The following OR7A17 variants were observed in gnomAD, a reference collection of about 807,000 sequenced individuals.
The protein encoded by OR7A17 is olfactory receptor family 7 subfamily A member 17, also known as olfactory receptor 7A17.
For synonymous variants in OR7A17, 159 were observed against 142.1 expected (o/e 1.12, Z -0.85); for missense variants, 366 against 365.5 (o/e 1.00, Z -0.01).
At chr19:14,883,958 T>C (rs1178041481) in intron 1 of OR7A17, among the ~76,000 whole-genome samples, 1 of 152,208 alleles carries the variant, frequency 6.6e-6, no homozygotes, top group Non-Finnish European at 1.5e-5. Context: ...TAAGTCCTAG[T>C]ATATATGGGT....
chr19:14,883,696 G>C (rs1044866581), intron 1 of OR7A17, among the ~76,000 whole-genome samples: 1 of 152,092 alleles, frequency 6.6e-6, no homozygotes, highest in Non-Finnish European at 1.5e-5. Flanking sequence ...GCAATGAGAC[G>C]TGATAAAATA....
At position 14,880,648 on chromosome 19, in the gene OR7A17, C is replaced by G; in HGVS notation, c.708G>C (p.Lys236Asn). The G allele has an allele frequency of 6.2e-7, 1 of 1,614,184 alleles. No homozygotes were observed. Among genetic ancestry groups the G allele is most frequent in the Non-Finnish European group, 8.5e-7 (1 of 1,180,040 alleles). The change falls in exon 3 of 3, where the codon AAG becomes AAC. Residue 236 changes from lysine (K) to asparagine (N), a missense_variant. Coordinates refer to ENST00000641113, the MANE Select transcript of OR7A17 (RefSeq NM_030901.2). ...GGTGTGATGCACAGGTGGAAAATGC[C>G]TTGTACTTCCCCTGAGCTGATGAGA... ...RAISSAQGKY[K>N]AFSTCASHLS...
In OR7A17 at chr19:14,886,126, A is replaced by C. The variant is rs1396677148; in HGVS notation, c.-480T>G. On this transcript the variant is annotated 5_prime_UTR_variant, in exon 1 of 3. An upstream start codon of the reference 5' UTR is lost. Coordinates refer to ENST00000641113, the MANE Select transcript of OR7A17 (RefSeq NM_030901.2). ...CATGTCATTTCCAGCCCAAGGTTGC[A>C]TATGCTGAGGGACTGCAGCAGAGGA... 6.6e-6 allele frequency: 1 copy of C among 152,268 alleles called. No homozygotes were observed. Among genetic ancestry groups the C allele is most frequent in the African/African-American group, 2.4e-5 (1 of 41,462 alleles). The allele number at this position is 152,268 out of a possible 1,614,324, so 9.4% of individuals were successfully genotyped here.
Position 14,881,107 on chromosome 19 carries a change from A to T in OR7A17, c.249T>A (p.Ile83=), listed in dbSNP as rs1281536075. ...FISTTIPKML[I]NIQTQSRVIT... The stretch of plus-strand genomic sequence containing the variant: ...TGACTCTGCTCTGTGTCTGGATGTT[A>T]ATGAGCATCTTTGGGATTGTAGTGG... The change falls in exon 3 of 3, where the codon ATT becomes ATA. Residue 83 remains isoleucine (I), a synonymous_variant. Coordinates refer to ENST00000641113, the MANE Select transcript of OR7A17 (RefSeq NM_030901.2). 4 of 1,614,174 alleles carry T rather than the reference A, an allele frequency of 2.5e-6. No homozygotes were observed. In the African/African-American group the frequency reaches 5.3e-5, roughly 22 times the overall value.
In OR7A17 at chr19:14,880,294, C is replaced by A; in HGVS notation, c.*132G>T. 2 of 641,044 alleles carry A rather than the reference C, an allele frequency of 3.1e-6. No individual in the cohort carries two copies. Among genetic ancestry groups the A allele is most frequent in the East Asian group, 3.1e-5 (1 of 31,848 alleles). The allele number at this position is 641,044 out of a possible 1,614,324, so 39.7% of individuals were successfully genotyped here. On this transcript the variant is annotated 3_prime_UTR_variant, in exon 3 of 3. Coordinates refer to ENST00000641113, the MANE Select transcript of OR7A17 (RefSeq NM_030901.2). ...CATTAAATTCTATGTCAGTTGAGAT[C>A]AAAGAAATTGAAACTCTGAGAAAAA...
chr19:14,885,524 T>C (rs1290177814), intron 1 of OR7A17, among the ~76,000 whole-genome samples: 3 of 152,144 alleles, frequency 2.0e-5, no homozygotes, highest in Non-Finnish European at 2.9e-5. Flanking sequence ...CCATTCACAA[T>C]TGCTACAAAG....
At chr19:14,881,934 G>A (rs1309274097) in intron 1 of OR7A17, 63 bp from the exon 2 acceptor site, 5 of 152,028 alleles carry the variant, frequency 3.3e-5, no homozygotes, top group African/African-American at 1.2e-4. Flanking sequence ...TCCCTTGACT[G>A]ACATCACCTC....
In OR7A17 at chr19:14,881,392, A is replaced by T; in HGVS notation, c.-37T>A. On this transcript the variant is annotated 5_prime_UTR_variant, in exon 3 of 3. Coordinates refer to ENST00000641113, the MANE Select transcript of OR7A17 (RefSeq NM_030901.2). ...TATTTATTTATTTATTTATTTATTT[A>T]TTTATTTATTTATTAACATAGACAG... The T allele has an allele frequency of 8.6e-7, 1 of 1,161,732 alleles. No individual in the cohort carries two copies. 72.0% of individuals were successfully genotyped at this position (1,161,732 alleles called of 1,614,324 possible). A position where few individuals can be genotyped will look rare whatever the true frequency, so the allele number is the denominator to read the frequency against.
intron 1 of OR7A17, among the ~76,000 whole-genome samples, chr19:14,885,029 A>G (rs190869096): frequency 4.0e-4 from 61 of 152,340 alleles, no homozygotes; most frequent in African/African-American, 1.5e-3. Flanking sequence ...CAAAAACTAC[A>G]TGATTATCTC....
intron 1 of OR7A17, among the ~76,000 whole-genome samples, chr19:14,883,679 A>G (rs918134449): frequency 1.3e-5 from 2 of 152,226 alleles, no homozygotes; most frequent in African/African-American, 4.8e-5. Context: ...TGTAGAAAAA[A>G]ATTAAAGCAA....
chr19:14,881,358 T>G lies in OR7A17; in HGVS notation c.-3A>C, dbSNP rs1203876935. On this transcript the variant is annotated 5_prime_UTR_variant, in exon 3 of 3. Transcript: ENST00000641113. ...CCTGTGTCATTCTCTGGTTCCATCT[T>G]TTTTTTTCTATTTATTTATTTATTT... is the stretch of plus-strand genomic sequence containing the variant. 7.5e-7 allele frequency: 1 copy of G among 1,336,438 alleles called. No homozygotes were observed. The highest frequency in any genetic ancestry group is 3.1e-5 in the Admixed American group (1 of 32,146). The allele number at this position is 1,336,438 out of a possible 1,614,324, so 82.8% of individuals were successfully genotyped here.
rs3030635 is a variant in OR7A17, at chr19:14,880,209, CAAAAAA to C, written c.*211_*216del. On this transcript the variant is annotated 3_prime_UTR_variant, in exon 3 of 3. Transcript: ENST00000641113. ...AAACATTGGGAAAGTAGGAAAATGA[CAAAAAA>C]AAAAAAAAAAAAAAGATTGGATATC... 0.1 allele frequency: 17,194 copies of C among 172,030 alleles called. 489 individuals carry two copies. The highest frequency in any genetic ancestry group is 0.19 in the East Asian group (1,428 of 7,412). The allele number at this position is 172,030 out of a possible 1,614,324, so 10.7% of individuals were successfully genotyped here.
rs1441056195 is a variant in OR7A17, at chr19:14,881,214, C to T, written c.142G>A (p.Ala48Thr). ...TGGAGGTGGGAGTCTGAGATTGTGG[C>T]CAGGATGATGAGCAGATTCCCGAGC... ...TVLGNLLIIL[A>T]TISDSHLHTP... Residue 48 changes from alanine to threonine, a missense_variant, in exon 3 of 3, where the codon GCC becomes ACC. Coordinates refer to ENST00000641113, the MANE Select transcript of OR7A17 (RefSeq NM_030901.2). 1.9e-6 allele frequency: 3 copies of T among 1,613,788 alleles called. No homozygotes were observed. In the Admixed American group the frequency reaches 5.0e-5, roughly 27 times the overall value.
chr19:14,881,251 G>A lies in OR7A17; in HGVS notation c.105C>T (p.Tyr35=), dbSNP rs757692887. The A allele has an allele frequency of 1.2e-6, 2 of 1,613,910 alleles. No homozygotes were observed. The highest frequency in any genetic ancestry group is 2.7e-5 in the African/African-American group (2 of 74,872). The change falls in exon 3 of 3, where the codon TAC becomes TAT. Residue 35 remains tyrosine, a synonymous_variant. Coordinates refer to ENST00000641113, the MANE Select transcript of OR7A17 (RefSeq NM_030901.2). ...GCAGATTCCCGAGCACAGTGACCAGGTACATGGACAGAAACAGCCCAAAGA... is the reference window on the plus strand; with the variant it reads ...GCAGATTCCCGAGCACAGTGACCAGATACATGGACAGAAACAGCCCAAAGA... The part of the protein sequence containing the change: ...PFLFGLFLSM[Y]LVTVLGNLLI...
rs1319807950 is a variant in OR7A17, at chr19:14,881,275, G to A, written c.81C>T (p.Leu27=). Residue 27 remains leucine (L), a synonymous_variant, in exon 3 of 3, where the codon CTC becomes CTT. Transcript: ENST00000641113. The stretch of plus-strand genomic sequence containing the variant: ...GGTACATGGACAGAAACAGCCCAAA[G>A]AGGAAGGGCTGCAATTCTGGTTCCT... ...LSEEPELQPF[L]FGLFLSMYLV... is the part of the protein sequence containing the mutation. 1 of 1,613,182 alleles carries A rather than the reference G, an allele frequency of 6.2e-7. No homozygotes were observed. The highest frequency in any genetic ancestry group is 1.7e-5 in the Admixed American group (1 of 59,956).
In OR7A17 at chr19:14,881,043, CA is replaced by C; in HGVS notation, c.312del (p.Phe104LeufsTer7). ...YAGCITQMCFFVLFGGLDSLL... is the reference protein window; with the variant it reads ...YAGCITQMCFXVLFGGLDSLL... ...AAGCTGTCTAACCCTCCAAAAAGTA[CA>C]AAAAAGCACATCTGGGTGATGCAGC... On this transcript the variant is annotated frameshift_variant, in exon 3 of 3. Coordinates refer to ENST00000641113, the MANE Select transcript of OR7A17 (RefSeq NM_030901.2). LOFTEE classifies it low-confidence loss of function (END_TRUNC). The C allele has an allele frequency of 6.8e-6, 11 of 1,614,088 alleles. No homozygotes were observed. The highest frequency in any genetic ancestry group is 1.1e-5 in the South Asian group (1 of 91,076).
chr19:14,881,024 T>A lies in OR7A17; in HGVS notation c.332A>T (p.Asp111Val). 6.2e-7 allele frequency: 1 copy of A among 1,614,116 alleles called. No homozygotes were observed. Among genetic ancestry groups the A allele is most frequent in the African/African-American group, 1.3e-5 (1 of 75,020 alleles). Residue 111 changes from aspartate to valine, a missense_variant, in exon 3 of 3, where the codon GAC (aspartate) becomes GTC (valine). By Grantham distance (152) the Asp-to-Val change is radical. Coordinates refer to ENST00000641113, the MANE Select transcript of OR7A17 (RefSeq NM_030901.2). The stretch of plus-strand genomic sequence containing the variant: ...GGCCATCACAGCCAGGAGTAAGCTG[T>A]CTAACCCTCCAAAAAGTACAAAAAA... ...MCFFVLFGGL[D>V]SLLLAVMAYD...
rs749823057 is a variant in OR7A17 at position 14,880,437 on chromosome 19, C to T, written c.919G>A (p.Gly307Arg). ...GAAAAATGGCCCTTTTATTGCTTTCCTCTGAAGGACATTTTCAGAGCCCTC... is the reference window on the plus strand; with the variant it reads ...GAAAAATGGCCCTTTTATTGCTTTCTTCTGAAGGACATTTTCAGAGCCCTC... ...IKRALKMSFR[G>R]KQ is the part of the protein sequence containing the mutation. Residue 307 changes from glycine to arginine, a missense_variant, in exon 3 of 3, where the codon GGA becomes AGA. Physicochemically the swap from Gly to Arg is moderately radical, Grantham distance 125. Coordinates refer to ENST00000641113, the MANE Select transcript of OR7A17 (RefSeq NM_030901.2). 6.3e-7 allele frequency: 1 copy of T among 1,599,162 alleles called. No individual in the cohort carries two copies. The highest frequency in any genetic ancestry group is 2.2e-5 in the East Asian group (1 of 44,692).
Position 14,880,477 on chromosome 19 carries a change from C to A in OR7A17, c.879G>T (p.Arg293Ser), listed in dbSNP as rs543268474. The change falls in exon 3 of 3, where the codon AGG (arginine) becomes AGT (serine). Residue 293 changes from arginine to serine, a missense_variant. Coordinates refer to ENST00000641113, the MANE Select transcript of OR7A17 (RefSeq NM_030901.2). ...TCAGAGCCCTCTTTATGTCTTTATTCCTCAGACTGTAGATAAAGGGGTTCA... is the reference window on the plus strand; with the variant it reads ...TCAGAGCCCTCTTTATGTCTTTATTACTCAGACTGTAGATAAAGGGGTTCA... ...PMLNPFIYSL[R>S]NKDIKRALKM... The A allele has an allele frequency of 3.0e-5, 49 of 1,613,594 alleles. No homozygotes were observed. In the East Asian group the frequency reaches 1.0e-3, roughly 34 times the overall value.
Sources: gnomAD v4.1 joint callset for allele counts (sites outside exome capture counted in the v4.1 genomes callset) on GRCh38, gnomAD v4.1.1 for gene constraint, MANE v1.5 for transcripts, NCBI Gene and HGNC (gene_info 2026-07-23, HGNC 2026-07-21) for gene names.